The following AVIL variants were observed in gnomAD, a reference collection of about 807,000 sequenced individuals.
The protein encoded by AVIL is advillin.
AVIL carries 78 observed loss-of-function variants against 109.9 expected under a neutral mutation model. The observed-to-expected ratio is 0.71, with a 90% CI of 0.59 to 0.86. The LOEUF is 0.86. Among genes scored for constraint, AVIL ranks in the 40% least tolerant of loss-of-function variants. The pLI is 0.00. For missense variants in AVIL, 892 were observed against 1,016.5 expected (o/e 0.88, Z 1.67); for synonymous variants, 367 against 379.1 (o/e 0.97, Z 0.37).
chr12:57,813,998 T>G (rs1039495425), intron 3 of AVIL, among the ~76,000 whole-genome samples, 154 bp downstream of exon 3: 12 of 152,144 alleles, frequency 7.9e-5, no homozygotes, highest in African/African-American at 2.9e-4. Flanking sequence ...TGGCCTTTGA[T>G]AGTCAGACTG....
chr12:57,802,563 T>C, intron 16 of AVIL: 1 of 732,776 alleles, frequency 1.4e-6, no homozygotes, highest in Non-Finnish European at 2.4e-6. Context: ...AGGTCTGCCT[T>C]TCCAAATTGG....
intron 1 of AVIL, among the ~76,000 whole-genome samples, chr12:57,818,345 G>C (rs1175647688): frequency 6.6e-6 from 1 of 151,922 alleles, no homozygotes; most frequent in African/African-American, 2.4e-5. Context: ...GGGCCAGGAA[G>C]CTGGTTTTAA....
At chr12:57,804,845 A>G (rs1427256773) in intron 14 of AVIL, among the ~76,000 whole-genome samples, 2 of 152,066 alleles carry the variant, frequency 1.3e-5, no homozygotes, top group African/African-American at 4.8e-5. Context: ...AACTGTCGAA[A>G]TGTTTTCCAG....
intron 3 of AVIL, 27 bp downstream of exon 3, chr12:57,814,125 C>A: frequency 1.9e-6 from 3 of 1,610,948 alleles, no homozygotes; most frequent in Non-Finnish European, 2.5e-6. Context: ...GGGAGAGGCT[C>A]ACAGGAGTGG....
Position 57,803,355 on chromosome 12 carries a change from G to A in AVIL, c.1854C>T (p.Leu618=), listed in dbSNP as rs1426959094. Residue 618 remains leucine (L), a synonymous_variant, in exon 16 of 20, where the codon CTC becomes CTT. Transcript: ENST00000549994. Reference sequence around the variant, plus strand: ...GGCCGGTCTTATTGGAACATTCAAAGAGACGAGACTGGACATCTAGGATTT... The same window carrying A: ...GGCCGGTCTTATTGGAACATTCAAAAAGACGAGACTGGACATCTAGGATTT... The part of the protein sequence containing the change: ...QQEILDVQSR[L]FECSNKTGQF... The A allele has an allele frequency of 6.2e-7, 1 of 1,614,206 alleles. No individual in the cohort carries two copies. Among genetic ancestry groups the A allele is most frequent in the South Asian group, 1.1e-5 (1 of 91,084 alleles).
intron 10 of AVIL, 31 bp from the exon 11 acceptor site, chr12:57,808,325 GAGTA>G: frequency 6.2e-7 from 1 of 1,614,046 alleles, no homozygotes; most frequent in Non-Finnish European, 8.5e-7. Context: ...AAAGCCGAGT[GAGTA>G]AGAAGCATCT....
chr12:57,813,206 G>A, intron 4 of AVIL, 21 bp downstream of exon 4: 1 of 1,589,274 alleles, frequency 6.3e-7, no homozygotes, highest in Non-Finnish European at 8.6e-7. Context: ...TTCTGTCCTT[G>A]CTCTGTGCAC....
intron 2 of AVIL, 107 bp from the exon 3 acceptor site, chr12:57,814,333 G>A: frequency 1.8e-6 from 2 of 1,135,220 alleles, no homozygotes; most frequent in Non-Finnish European, 2.5e-6. Context: ...GAGAAGGAGG[G>A]GAGATGTTCT....
chr12:57,802,171 T>A lies in AVIL; in HGVS notation c.2140A>T (p.Asn714Tyr), dbSNP rs1955861873. 7.4e-6 allele frequency: 12 copies of A among 1,613,878 alleles called. No homozygotes were observed. The highest frequency in any genetic ancestry group is 1.0e-5 in the Non-Finnish European group (12 of 1,179,836). ...CTCTCTTTTCTTACACTCCAAATGT[T>A]AGGGTCCCAGGCTAGGAACCAGCCT... Reference protein sequence around the residue: ...FTGWFLAWDPNIWSAGKTYEQ... With the variant: ...FTGWFLAWDPYIWSAGKTYEQ... Residue 714 changes from asparagine to tyrosine, a missense_variant, in exon 17 of 20, where the codon AAC becomes TAC. Physicochemically the swap from Asn to Tyr is moderately radical, Grantham distance 143. Transcript: ENST00000549994.
intron 14 of AVIL, chr12:57,804,239 T>C (rs1955906148): frequency 6.6e-6 from 1 of 152,434 alleles, no homozygotes; most frequent in Non-Finnish European, 1.5e-5. Flanking sequence ...ATATTTAGCC[T>C]TTCAGTCTGG....
intron 2 of AVIL, 168 bp downstream of exon 2, chr12:57,815,807 G>A: frequency 6.7e-7 from 1 of 1,494,222 alleles, no homozygotes; most frequent in Non-Finnish European, 8.9e-7. Context: ...CCTGCTTTGA[G>A]CACCCAGGAG....
Position 57,815,994 on chromosome 12 carries a change from A to C in AVIL, c.47T>G (p.Ile16Ser). ...GCTCACCTCTATTCTCCAGACAATGATCCCAGGGTCGTTGTCCACAGCCCT... is the reference window on the plus strand; with the variant it reads ...GCTCACCTCTATTCTCCAGACAATGCTCCCAGGGTCGTTGTCCACAGCCCT... ...AFRAVDNDPG[I>S]IVWRIEKMEL... is the part of the protein sequence containing the mutation. The change falls in exon 2 of 20, where the codon ATC (isoleucine) becomes AGC (serine). Residue 16 changes from isoleucine to serine, a missense_variant. Physicochemically the swap from Ile to Ser is moderately radical, Grantham distance 142. Transcript: ENST00000549994. The C allele has an allele frequency of 6.2e-7, 1 of 1,614,206 alleles. No homozygotes were observed. The highest frequency in any genetic ancestry group is 1.1e-5 in the South Asian group (1 of 91,080).
intron 15 of AVIL, 52 bp downstream of exon 15, chr12:57,803,472 A>C: frequency 6.2e-7 from 1 of 1,613,772 alleles, no homozygotes; most frequent in Non-Finnish European, 8.5e-7. Flanking sequence ...TGCAATTCAC[A>C]AGCCTGGCAG....
intron 13 of AVIL, 150 bp from the exon 14 acceptor site, chr12:57,806,689 G>C: frequency 1.3e-6 from 1 of 767,560 alleles, no homozygotes; most frequent in Non-Finnish European, 2.1e-6. Context: ...GTAAGCTGGA[G>C]TTATGTCACC....
chr12:57,800,339 T>C, intron 18 of AVIL: 1 of 163,328 alleles, frequency 6.1e-6, no homozygotes, highest in Non-Finnish European at 1.4e-5. Flanking sequence ...TCTGAGTTTG[T>C]AGAGCACAAA....
intron 16 of AVIL, 76 bp downstream of exon 16, chr12:57,803,171 G>A (rs940343362): frequency 6.4e-7 from 1 of 1,569,634 alleles, no homozygotes; most frequent in Admixed American, 1.7e-5. Context: ...TTTATTCTAG[G>A]GTGGGGATAC....
chr12:57,802,012 G>GA, intron 17 of AVIL, 148 bp downstream of exon 17: 1 of 919,754 alleles, frequency 1.1e-6, no homozygotes, highest in Admixed American at 2.9e-5. Context: ...AAAAAGAGGA[G>GA]AAAAGTAAAA....
Position 57,803,570 on chromosome 12 carries a change from A to G in AVIL, c.1771T>C (p.Phe591Leu). ...TVAEGQEPAE[F>L]WDLLGGKTPY... is the part of the protein sequence containing the mutation. ...GTTTTCCCTCCCAGTAGGTCCCAGA[A>G]CTCGGCTGGCTCCTGGCCCTCGGCC... The change falls in exon 15 of 20, where the codon TTC becomes CTC. Residue 591 changes from phenylalanine to leucine, a missense_variant. Phe to Leu is a conservative substitution (Grantham distance 22, BLOSUM62 0). Coordinates refer to ENST00000549994, the MANE Select transcript of AVIL (RefSeq NM_006576.4). 1 of 1,614,100 alleles carries G rather than the reference A, an allele frequency of 6.2e-7. No individual in the cohort carries two copies. The highest frequency in any genetic ancestry group is 1.1e-5 in the South Asian group (1 of 91,080).
chr12:57,799,955 A>C, intron 18 of AVIL, 35 bp from the exon 19 acceptor site: 5 of 1,612,188 alleles, frequency 3.1e-6, no homozygotes, highest in Non-Finnish European at 4.2e-6. Flanking sequence ...CAGGGAAAAG[A>C]CTCCTCAGTG....
Sources: allele counts gnomAD v4.1 joint callset (sites outside exome capture counted in the v4.1 genomes callset), GRCh38; gene constraint gnomAD v4.1.1; transcripts MANE v1.5; gene names NCBI Gene and HGNC (gene_info 2026-07-23, HGNC 2026-07-21).